ZFHX4: variants seen among roughly 807,000 people sequenced by gnomAD.
The protein encoded by ZFHX4 is zinc finger homeobox 4, also known as zinc finger homeobox protein 4.
Under a neutral mutation model 267.6 loss-of-function variants are expected in ZFHX4, and 56 were observed. The observed-to-expected ratio is 0.21, with a 90% CI of 0.17 to 0.26. The LOEUF (loss-of-function observed/expected upper bound fraction) is 0.26, where lower values mean the gene tolerates loss of function less well. Among genes scored for constraint, ZFHX4 ranks in the 10% least tolerant of loss-of-function variants. The pLI, the probability that ZFHX4 is intolerant of heterozygous loss-of-function variation, is 1.00. For missense variants in ZFHX4, 4,332 were observed against 4,420.0 expected (o/e 0.98, Z 0.56); for synonymous variants, 1,778 against 1,665.6 (o/e 1.07, Z -1.64).
intron 4 of ZFHX4, among the ~76,000 whole-genome samples, chr8:76,784,431 CT>C (rs1384875494): frequency 1.3e-5 from 2 of 151,712 alleles, no homozygotes; most frequent in Non-Finnish European, 2.9e-5. Context: ...ATTTTTTTAC[CT>C]TGATACAGAA....
At chr8:76,780,564 C>A (rs769304793) in intron 4 of ZFHX4, among the ~76,000 whole-genome samples, 4 of 152,052 alleles carry the variant, frequency 2.6e-5, no homozygotes, top group Non-Finnish European at 5.9e-5. Context: ...ATTCTAATTT[C>A]TTTTTAGCAG....
At chr8:76,802,142 C>T (rs1811133200) in intron 4 of ZFHX4, among the ~76,000 whole-genome samples, 1 of 152,174 alleles carries the variant, frequency 6.6e-6, no homozygotes, top group South Asian at 2.1e-4. Flanking sequence ...TGTCTGCTGC[C>T]TGCTGCTGTT....
intron 4 of ZFHX4, among the ~76,000 whole-genome samples, chr8:76,823,464 GCA>G (rs1441174119): frequency 6.6e-6 from 1 of 152,112 alleles, no homozygotes; most frequent in African/African-American, 2.4e-5. Flanking sequence ...GGTTCCAATA[GCA>G]CATTTTTCAT....
intron 10 of ZFHX4, among the ~76,000 whole-genome samples, chr8:76,857,586 G>C (rs1264022502): frequency 6.6e-6 from 1 of 151,936 alleles, no homozygotes; most frequent in Non-Finnish European, 1.5e-5. Flanking sequence ...TAGCTTACCT[G>C]GTTTTCTGTT....
chr8:76,797,928 C>A (rs199985127), intron 4 of ZFHX4, among the ~76,000 whole-genome samples: 1 of 140,346 alleles, frequency 7.1e-6, no homozygotes, highest in African/African-American at 2.7e-5. Flanking sequence ...GTCTGTGTGT[C>A]TGTGTGTATG....
chr8:76,741,548 A>G (rs1403353226), intron 3 of ZFHX4, among the ~76,000 whole-genome samples: 1 of 152,150 alleles, frequency 6.6e-6, no homozygotes, highest in African/African-American at 2.4e-5. Context: ...GAGTTATTAA[A>G]TTTGCATTTG....
chr8:76,855,212 C>G lies in ZFHX4; in HGVS notation c.8291C>G (p.Pro2764Arg), dbSNP rs755319742. ...GTTAGTAAAACAGCAGAGCTGTCAC[C>G]GAAGAATCTTTTAAGCCCTTCTTCT... ...TPVSKTAELSPKNLLSPSSFK... is the reference protein window; with the variant it reads ...TPVSKTAELSRKNLLSPSSFK... The change falls in exon 10 of 11, where the codon CCG (proline) becomes CGG (arginine). Residue 2764 changes from proline (P) to arginine (R), a missense_variant. Pro to Arg is a moderately radical substitution (Grantham distance 103). Around this residue, in one of 7 missense-constraint regions of ZFHX4, gnomAD observed 1,648 missense variants for 1,625.0 expected, o/e 1.01. Coordinates refer to ENST00000651372, the MANE Select transcript of ZFHX4 (RefSeq NM_024721.5). The G allele has an allele frequency of 1.6e-5, 26 of 1,612,474 alleles. No homozygotes were observed. The highest frequency in any genetic ancestry group is 8.5e-7 in the Non-Finnish European group (1 of 1,179,436).
Position 76,853,233 on chromosome 8 carries a change from A to G in ZFHX4, c.6312A>G (p.Ala2104=). 2 of 1,575,880 alleles carry G rather than the reference A, an allele frequency of 1.3e-6. No individual in the cohort carries two copies. The highest frequency in any genetic ancestry group is 2.3e-5 in the South Asian group (2 of 86,434). Residue 2104 remains alanine (A), a synonymous_variant, in exon 10 of 11, where the codon GCA becomes GCG. Transcript: ENST00000651372. ...QLALQLPQMD[A]LSADLTQLCQ... is the part of the protein sequence containing the mutation. ...CCCTGCAGCTGCCACAGATGGACGC[A>G]CTCTCTGCAGACCTCACCCAACTTT...
At chr8:76,817,560 T>G (rs1012905664) in intron 4 of ZFHX4, among the ~76,000 whole-genome samples, 1 of 152,204 alleles carries the variant, frequency 6.6e-6, no homozygotes, top group Non-Finnish European at 1.5e-5. Flanking sequence ...CAAGCAAGAA[T>G]GTGTTTGGAC....
intron 6 of ZFHX4, among the ~76,000 whole-genome samples, chr8:76,844,637 C>T (rs1812319573): frequency 6.6e-6 from 1 of 152,082 alleles, no homozygotes; most frequent in Non-Finnish European, 1.5e-5. Flanking sequence ...ATTGTACCAT[C>T]CAGACAAGAC....
chr8:76,706,307 G>A lies in ZFHX4; in HGVS notation c.2219G>A (p.Gly740Asp). 6.2e-7 allele frequency: 1 copy of A among 1,614,036 alleles called. No individual in the cohort carries two copies. The highest frequency in any genetic ancestry group is 8.5e-7 in the Non-Finnish European group (1 of 1,179,988). The change falls in exon 2 of 11, where the codon GGC becomes GAC. Residue 740 changes from glycine (G) to aspartate (D), a missense_variant. By Grantham distance (94) the Gly-to-Asp change is moderately conservative. Transcript: ENST00000651372. Reference protein sequence around the residue: ...LQNGNGEQVFGHSAPAPNTSL... With the variant: ...LQNGNGEQVFDHSAPAPNTSL... ...AATGGCAATGGTGAGCAGGTGTTTG[G>A]CCACTCTGCCCCAGCCCCCAACACC...
intron 4 of ZFHX4, among the ~76,000 whole-genome samples, chr8:76,784,491 T>A (rs1196040075): frequency 6.6e-6 from 1 of 152,046 alleles, no homozygotes; most frequent in Non-Finnish European, 1.5e-5. Flanking sequence ...GTCTTGTCAT[T>A]GCTCTAGCCA....
intron 1 of ZFHX4, among the ~76,000 whole-genome samples, chr8:76,696,725 A>T (rs1040131514): frequency 6.6e-6 from 1 of 151,852 alleles, no homozygotes; most frequent in African/African-American, 2.4e-5. Context: ...GAAATCAAAC[A>T]TAAGTTTGCC....
At chr8:76,682,046 C>T (rs562078727) in intron 1 of ZFHX4, among the ~76,000 whole-genome samples, 57 of 152,286 alleles carry the variant, frequency 3.7e-4, no homozygotes, top group Non-Finnish European at 6.6e-4. Flanking sequence ...CCGCGAGCCC[C>T]GGGCATTCTA....
intron 2 of ZFHX4, 79 bp downstream of exon 2, chr8:76,706,757 G>A: frequency 2.8e-6 from 4 of 1,407,918 alleles, no homozygotes; most frequent in Non-Finnish European, 3.8e-6. Flanking sequence ...CAGATAAAAT[G>A]GTGAGTGCCA....
intron 4 of ZFHX4, among the ~76,000 whole-genome samples, chr8:76,827,727 G>A (rs1585985479): frequency 6.6e-6 from 1 of 152,162 alleles, no homozygotes; most frequent in Non-Finnish European, 1.5e-5. Flanking sequence ...GATGACTCAA[G>A]AAGCAGAAAG....
intron 4 of ZFHX4, among the ~76,000 whole-genome samples, chr8:76,813,915 T>C (rs550684362): frequency 6.6e-6 from 1 of 152,324 alleles, no homozygotes; most frequent in East Asian, 1.9e-4. Context: ...TTGGACTTTA[T>C]ATTACAGAAA....
intron 4 of ZFHX4, among the ~76,000 whole-genome samples, chr8:76,815,528 G>A (rs773941847): frequency 6.6e-6 from 1 of 151,950 alleles, no homozygotes; most frequent in Non-Finnish European, 1.5e-5. Context: ...TTGAGACAAG[G>A]TCTTGCTTTA....
rs1199745888 is a variant in ZFHX4, at chr8:76,865,919, C to G, written c.*1354C>G. On this transcript the variant is annotated 3_prime_UTR_variant, in exon 11 of 11. Transcript: ENST00000651372. The stretch of plus-strand genomic sequence containing the variant: ...TATGCATTAAAAGTATTATCTTTAT[C>G]AACATTTGCTGCTACTGTGTTAACA... 6.6e-6 allele frequency: 1 copy of G among 152,516 alleles called. No homozygotes were observed. The highest frequency in any genetic ancestry group is 2.4e-5 in the African/African-American group (1 of 41,396). 9.4% of individuals were successfully genotyped at this position (152,516 alleles called of 1,614,324 possible). A position where few individuals can be genotyped will look rare whatever the true frequency, so the allele number is the denominator to read the frequency against.
Sources: gnomAD v4.1 joint callset for allele counts (sites outside exome capture counted in the v4.1 genomes callset) on GRCh38, gnomAD v4.1.1 for gene constraint, gnomAD v4.1.1 regional missense constraint, MANE v1.5 for transcripts, NCBI Gene and HGNC (gene_info 2026-07-23, HGNC 2026-07-21) for gene names.